L3MBTL4: variants seen among roughly 807,000 people sequenced by gnomAD.
L3MBTL4 encodes the protein lethal(3)malignant brain tumor-like protein 4.
L3MBTL4 carries 70 observed loss-of-function variants against 84.5 expected under a neutral mutation model. The observed-to-expected ratio is 0.83, with a 90% confidence interval of 0.68 to 1.01. The LOEUF (loss-of-function observed/expected upper bound fraction) is 1.01. Ranked by LOEUF, L3MBTL4 falls within the 50% of genes least tolerant of loss-of-function variation. The probability of loss-of-function intolerance (pLI) is 0.00; values close to 1 mark genes in which losing one functional copy is unlikely to be tolerated. For synonymous variants in L3MBTL4, 274 were observed against 259.8 expected (o/e 1.05, Z -0.52); for missense variants, 715 against 754.8 (o/e 0.95, Z 0.62).
At chr18:6,064,651 T>C (rs2057343662) in intron 16 of L3MBTL4, among the ~76,000 whole-genome samples, 1 of 151,820 alleles carries the variant, frequency 6.6e-6, no homozygotes, top group Non-Finnish European at 1.5e-5. Context: ...TTGATTTTAT[T>C]TTTGGCTTAG....
intron 1 of L3MBTL4, among the ~76,000 whole-genome samples, chr18:6,398,234 A>G (rs928289885): frequency 2.0e-5 from 3 of 152,218 alleles, no homozygotes; most frequent in Non-Finnish European, 4.4e-5. Context: ...TTTTAACGGT[A>G]TAGAAAACAG....
At chr18:6,067,362 A>C (rs889464018) in intron 16 of L3MBTL4, among the ~76,000 whole-genome samples, 12 of 152,178 alleles carry the variant, frequency 7.9e-5, no homozygotes, top group African/African-American at 2.9e-4. Context: ...AGGCCAAGGA[A>C]GTTTTCCTCA....
chr18:6,216,346 G>A (rs2145834203), intron 10 of L3MBTL4, among the ~76,000 whole-genome samples: 1 of 152,206 alleles, frequency 6.6e-6, no homozygotes, highest in South Asian at 2.1e-4. Context: ...TATTGAACAT[G>A]ATATAAAGAA....
intron 4 of L3MBTL4, among the ~76,000 whole-genome samples, chr18:6,292,556 C>A (rs777069117): frequency 3.9e-5 from 6 of 152,150 alleles, no homozygotes; most frequent in Non-Finnish European, 8.8e-5. Flanking sequence ...GACCCCCATA[C>A]CTTCCCCCTA....
chr18:6,234,660 G>A (rs1221559979), intron 10 of L3MBTL4, among the ~76,000 whole-genome samples: 1 of 152,106 alleles, frequency 6.6e-6, no homozygotes, highest in Admixed American at 6.5e-5. Flanking sequence ...TAAAAAGTCA[G>A]GAAACATCAA....
At chr18:6,170,982 T>C (rs1007408743) in intron 13 of L3MBTL4, among the ~76,000 whole-genome samples, 4 of 152,234 alleles carry the variant, frequency 2.6e-5, no homozygotes, top group African/African-American at 9.6e-5. Flanking sequence ...TTTGTAGTTT[T>C]TGAAGAACCT....
chr18:6,093,448 G>C lies in L3MBTL4; in HGVS notation c.1280C>G (p.Ala427Gly). ...ATGTGAAGAGTCTGATTCCAAATTTGCCTGTGTTTGTTCTCTCAAACGATC... is the reference window on the plus strand; with the variant it reads ...ATGTGAAGAGTCTGATTCCAAATTTCCCTGTGTTTGTTCTCTCAAACGATC... Reference protein sequence around the residue: ...LHDRLREQTQANLESDSSHSK... With the variant: ...LHDRLREQTQGNLESDSSHSK... The change falls in exon 15 of 19, where the codon GCA becomes GGA. Residue 427 changes from alanine to glycine, a missense_variant. Ala to Gly is a moderately conservative substitution (Grantham distance 60). Coordinates refer to ENST00000317931, the MANE Select transcript of L3MBTL4 (RefSeq NM_001330559.2). 1 of 1,613,882 alleles carries C rather than the reference G, an allele frequency of 6.2e-7. No individual in the cohort carries two copies. The highest frequency in any genetic ancestry group is 8.5e-7 in the Non-Finnish European group (1 of 1,179,904).
At chr18:6,150,170 C>T (rs1212969376) in intron 13 of L3MBTL4, among the ~76,000 whole-genome samples, 1 of 152,088 alleles carries the variant, frequency 6.6e-6, no homozygotes, top group Admixed American at 6.5e-5. Context: ...TGGTTAGTTG[C>T]TGATAGAAAT....
At chr18:5,956,873 C>T (rs955388002) in intron 18 of L3MBTL4, among the ~76,000 whole-genome samples, 12 of 151,608 alleles carry the variant, frequency 7.9e-5, no homozygotes, top group African/African-American at 2.7e-4. Context: ...TGCAGTCACC[C>T]AAAATCAACT....
chr18:6,056,447 T>C (rs186323081), intron 16 of L3MBTL4, among the ~76,000 whole-genome samples: 2 of 152,320 alleles, frequency 1.3e-5, no homozygotes, highest in Admixed American at 1.3e-4. Flanking sequence ...AGGCTCCCTC[T>C]GAAGTGTTAT....
At chr18:6,194,019 TA>T (rs2045259241) in intron 12 of L3MBTL4, among the ~76,000 whole-genome samples, 1 of 152,124 alleles carries the variant, frequency 6.6e-6, no homozygotes, top group Non-Finnish European at 1.5e-5. Flanking sequence ...TACACCCCAT[TA>T]AATGTCCTCC....
intron 1 of L3MBTL4, among the ~76,000 whole-genome samples, chr18:6,405,428 A>AC (rs1384305783): frequency 1.3e-5 from 2 of 152,218 alleles, no homozygotes; most frequent in African/African-American, 2.4e-5. Flanking sequence ...CTCCTGATGT[A>AC]CCATCTGTGG....
chr18:6,184,286 C>T (rs1371930391), intron 12 of L3MBTL4, among the ~76,000 whole-genome samples: 1 of 152,210 alleles, frequency 6.6e-6, no homozygotes, highest in Admixed American at 6.5e-5. Context: ...CACGGTAATT[C>T]GACTATTATT....
chr18:6,171,153 G>C (rs1848145277), intron 13 of L3MBTL4, among the ~76,000 whole-genome samples: 1 of 152,144 alleles, frequency 6.6e-6, no homozygotes, highest in East Asian at 1.9e-4. Flanking sequence ...AGAAACCAAT[G>C]GGAGGGAAAG....
chr18:5,956,435 C>T lies in L3MBTL4; in HGVS notation c.1678-48G>A, dbSNP rs1263218351. On this transcript the variant is annotated intron_variant, in intron 18 of 18. Coordinates refer to ENST00000317931, the MANE Select transcript of L3MBTL4 (RefSeq NM_001330559.2). ...AAATAAAAATGTTTTGCCACGGAAGCCTGTTTACTCACCAGTAACACTTTG... is the reference window on the plus strand; with the variant it reads ...AAATAAAAATGTTTTGCCACGGAAGTCTGTTTACTCACCAGTAACACTTTG... 4 of 1,570,308 alleles carry T rather than the reference C, an allele frequency of 2.5e-6. No individual in the cohort carries two copies. In the Admixed American group the frequency reaches 5.1e-5, roughly 20 times the overall value.
intron 12 of L3MBTL4, among the ~76,000 whole-genome samples, chr18:6,195,144 C>T (rs79796116): frequency 1.3e-5 from 2 of 152,118 alleles, no homozygotes; most frequent in African/African-American, 4.8e-5. Context: ...GATATTATCA[C>T]ATAAAGGCAG....
At chr18:6,207,529 T>C (rs1397717571) in intron 12 of L3MBTL4, among the ~76,000 whole-genome samples, 2 of 152,226 alleles carry the variant, frequency 1.3e-5, no homozygotes, top group African/African-American at 4.8e-5. Flanking sequence ...TCATTTTACC[T>C]GGAATTAACT....
At chr18:5,972,156 A>T (rs1404229057) in intron 16 of L3MBTL4, among the ~76,000 whole-genome samples, 1 of 152,186 alleles carries the variant, frequency 6.6e-6, no homozygotes, top group Non-Finnish European at 1.5e-5. Flanking sequence ...ACTAGGCATA[A>T]GGGCTTGTGT....
chr18:6,390,690 C>G (rs1222632053), intron 1 of L3MBTL4, among the ~76,000 whole-genome samples: 1 of 151,978 alleles, frequency 6.6e-6, no homozygotes, highest in African/African-American at 2.4e-5. Flanking sequence ...TTCGAGACTG[C>G]TATGCACACC....
Sources: gnomAD v4.1 joint callset for allele counts (sites outside exome capture counted in the v4.1 genomes callset) on GRCh38, gnomAD v4.1.1 for gene constraint, MANE v1.5 for transcripts, NCBI Gene and HGNC (gene_info 2026-07-23, HGNC 2026-07-21) for gene names.